ZBTB16: variants seen among roughly 807,000 people sequenced by gnomAD.
ZBTB16 encodes zinc finger and BTB domain-containing protein 16.
A neutral mutation model predicts 56.8 loss-of-function variants in ZBTB16; 8 were observed. The observed-to-expected ratio is 0.14, with a 90% CI of 0.08 to 0.25. ZBTB16 has a LOEUF of 0.25. Ranked by LOEUF, ZBTB16 falls within the 10% of genes least tolerant of loss-of-function variation. The pLI is 1.00. For synonymous variants in ZBTB16, 363 were observed against 368.5 expected (o/e 0.98, Z 0.17); for missense variants, 625 against 903.0 (o/e 0.69, Z 3.95).
rs531054494 is a variant in ZBTB16, at chr11:114,167,762, T to C, written c.1366+11328T>C. ...CAGCTAAATGATTTTTTAAAATCCA[T>C]AGGATTTTGACAGTATTGGTTCTAT... On this transcript the variant is annotated intron_variant, in intron 3 of 6. Coordinates refer to ENST00000335953, the MANE Select transcript of ZBTB16 (RefSeq NM_006006.6). 7.9e-5 allele frequency among the ~76,000 whole-genome samples: 12 copies of C among 152,200 alleles called. 1 individual carries two copies. Among genetic ancestry groups the C allele is most frequent in the South Asian group, 4.1e-4 (2 of 4,836 alleles).
chr11:114,231,538 A>G (rs1055410295), intron 4 of ZBTB16, among the ~76,000 whole-genome samples: 19 of 152,166 alleles, frequency 1.2e-4, no homozygotes, highest in Non-Finnish European at 2.8e-4. Context: ...CCCCTAGAAA[A>G]GGGACCTAGA....
At chr11:114,128,689 A>G (rs907585898) in intron 2 of ZBTB16, among the ~76,000 whole-genome samples, 2 of 152,102 alleles carry the variant, frequency 1.3e-5, no homozygotes, top group African/African-American at 4.8e-5. Context: ...TGTAAAGTGA[A>G]GTTCAGGTCC....
At chr11:114,103,427 G>A (rs934591578) in intron 2 of ZBTB16, among the ~76,000 whole-genome samples, 9 of 152,110 alleles carry the variant, frequency 5.9e-5, no homozygotes, top group African/African-American at 1.7e-4. Context: ...TGTGAGTACC[G>A]TCCGCTTGGA....
chr11:114,256,575 C>G lies in ZBTB16; in HGVS notation c.*6020C>G, dbSNP rs568458264. 3.1e-4 allele frequency among the ~76,000 whole-genome samples: 47 copies of G among 152,280 alleles called. No homozygotes were observed. The highest frequency in any genetic ancestry group is 1.1e-3 in the African/African-American group (46 of 41,550). ...ACATTTTCAACTGACTCCTTAGTGG[C>G]TAAGCAAGCTTCAGAAATTTCTCAA... On this transcript the variant is annotated 3_prime_UTR_variant, in exon 7 of 7. Transcript: ENST00000335953.
chr11:114,164,757 G>C (rs992259103), intron 3 of ZBTB16, among the ~76,000 whole-genome samples: 1 of 152,048 alleles, frequency 6.6e-6, no homozygotes, highest in African/African-American at 2.4e-5. Flanking sequence ...TGCCTGAGGG[G>C]CCCCACCCTG....
intron 2 of ZBTB16, among the ~76,000 whole-genome samples, chr11:114,085,489 T>C (rs1939926031): frequency 7.0e-6 from 1 of 142,734 alleles, no homozygotes; most frequent in South Asian, 2.3e-4. Context: ...GACAGCCATA[T>C]GTGTATGACT....
chr11:114,062,489 C>T (rs947043765), intron 1 of ZBTB16, among the ~76,000 whole-genome samples: 4 of 152,200 alleles, frequency 2.6e-5, no homozygotes, highest in Non-Finnish European at 4.4e-5. Context: ...TTGAGGCTTC[C>T]GTGGGTAGAA....
intron 2 of ZBTB16, among the ~76,000 whole-genome samples, chr11:114,091,691 A>G (rs1437285668): frequency 7.3e-6 from 1 of 136,122 alleles, no homozygotes. Flanking sequence ...CACAGTTCCT[A>G]TTTATTCCTC....
chr11:114,196,304 G>A (rs1943607274), intron 4 of ZBTB16, among the ~76,000 whole-genome samples: 2 of 152,204 alleles, frequency 1.3e-5, no homozygotes, highest in Admixed American at 1.3e-4. Context: ...CCTGAACCAT[G>A]TCTGCTATCA....
At chr11:114,219,855 C>G (rs928623779) in intron 4 of ZBTB16, among the ~76,000 whole-genome samples, 1 of 152,072 alleles carries the variant, frequency 6.6e-6, no homozygotes, top group Non-Finnish European at 1.5e-5. Context: ...GGTCTGGAAG[C>G]CTTGGAAAGC....
Position 114,119,913 on chromosome 11 carries a change from T to G in ZBTB16, c.1269-36424T>G, listed in dbSNP as rs112491386. On this transcript the variant is annotated intron_variant, in intron 2 of 6. Coordinates refer to ENST00000335953, the MANE Select transcript of ZBTB16 (RefSeq NM_006006.6). ...CCCACTTCCATGGCACGCTGCCTCC[T>G]TCTAGCATTCAGTGAGGAAAGCTCT... Among the ~76,000 whole-genome samples the G allele has an allele frequency of 6.0e-3, 914 of 152,212 alleles. 12 individuals are homozygous for G. The highest frequency in any genetic ancestry group is 0.021 in the African/African-American group (868 of 41,466).
chr11:114,121,893 A>T (rs1175048364), intron 2 of ZBTB16: 2 of 454,262 alleles, frequency 4.4e-6, no homozygotes, highest in Admixed American at 4.7e-5. Flanking sequence ...CTGAGATGTG[A>T]GATGTCATGA....
intron 4 of ZBTB16, among the ~76,000 whole-genome samples, chr11:114,229,954 C>A (rs1944403581): frequency 6.6e-6 from 1 of 152,120 alleles, no homozygotes; most frequent in African/African-American, 2.4e-5. Context: ...ATGATGAAAT[C>A]CCTTCCTCTG....
intron 3 of ZBTB16, among the ~76,000 whole-genome samples, chr11:114,165,946 T>C (rs1411846968): frequency 1.3e-5 from 2 of 152,220 alleles, no homozygotes; most frequent in Non-Finnish European, 2.9e-5. Context: ...GGAAACATCA[T>C]GGTATTTCAC....
At chr11:114,244,506 G>A (rs978172620) in intron 5 of ZBTB16, among the ~76,000 whole-genome samples, 1 of 152,150 alleles carries the variant, frequency 6.6e-6, no homozygotes, top group Non-Finnish European at 1.5e-5. Flanking sequence ...GAGTTCTGCA[G>A]CCAGTTTTGT....
At chr11:114,067,095 G>A (rs895065445) in intron 2 of ZBTB16, among the ~76,000 whole-genome samples, 5 of 152,076 alleles carry the variant, frequency 3.3e-5, no homozygotes, top group Admixed American at 2.0e-4. Context: ...AAATGGAGAC[G>A]GTCAACAGGG....
intron 3 of ZBTB16, among the ~76,000 whole-genome samples, chr11:114,172,625 G>A (rs1046128704): frequency 2.0e-5 from 3 of 152,256 alleles, no homozygotes; most frequent in Admixed American, 2.0e-4. Context: ...CACAGCTCAC[G>A]TGGTACAGAT....
intron 4 of ZBTB16, among the ~76,000 whole-genome samples, chr11:114,207,081 C>T (rs1040091508): frequency 6.6e-6 from 1 of 152,140 alleles, no homozygotes; most frequent in Non-Finnish European, 1.5e-5. Flanking sequence ...GAGTTGATGG[C>T]TGCAGCCCAA....
At chr11:114,072,386 C>G (rs1194334973) in intron 2 of ZBTB16, among the ~76,000 whole-genome samples, 1 of 152,224 alleles carries the variant, frequency 6.6e-6, no homozygotes, top group Non-Finnish European at 1.5e-5. Flanking sequence ...GCCATCGGGT[C>G]CAAATGCCGG....
Sources: allele counts gnomAD v4.1 joint callset (sites outside exome capture counted in the v4.1 genomes callset), GRCh38; gene constraint gnomAD v4.1.1; transcripts MANE v1.5; gene names NCBI Gene and HGNC (gene_info 2026-07-23, HGNC 2026-07-21).